The following ZZEF1 variants were observed in gnomAD, a reference collection of about 807,000 sequenced individuals.
ZZEF1 encodes zinc finger ZZ-type and EF-hand domain-containing protein 1.
ZZEF1 carries 157 observed loss-of-function variants against 342.8 expected under a neutral mutation model. That is an observed-to-expected ratio of 0.46 (90% CI 0.40 to 0.52). ZZEF1 has a LOEUF of 0.52. Ranked by LOEUF, ZZEF1 falls within the 20% of genes least tolerant of loss-of-function variation. ZZEF1 has a pLI of 0.00. For missense variants in ZZEF1, 3,480 were observed against 3,725.6 expected, an observed-to-expected ratio of 0.93 and a Z score of 1.72; for synonymous variants, 1,505 against 1,429.1, an observed-to-expected ratio of 1.05 and a Z score of -1.20.
intron 26 of ZZEF1, among the ~76,000 whole-genome samples, chr17:4,069,145 GC>G (rs1292625981): frequency 3.3e-5 from 5 of 152,192 alleles, no homozygotes; most frequent in Non-Finnish European, 7.3e-5. Flanking sequence ...TCTGAACACA[GC>G]CTGAAGTTTC....
Position 4,040,096 on chromosome 17 carries a change from T to C in ZZEF1, c.6306+2333A>G, listed in dbSNP as rs115179995. On this transcript the variant is annotated intron_variant, in intron 39 of 54. Transcript: ENST00000381638. ...AGTTGATATCATGTTAATACTGGAC[T>C]TCTCATCGGTTGTTCTAGATGGTGG... Among the ~76,000 whole-genome samples, 947 of 152,320 alleles carry C rather than the reference T, an allele frequency of 6.2e-3. 12 individuals are homozygous for C. The highest frequency in any genetic ancestry group is 0.022 in the African/African-American group (901 of 41,564).
intron 39 of ZZEF1, among the ~76,000 whole-genome samples, chr17:4,036,776 TACAC>T (rs761229612): frequency 4.9e-4 from 49 of 99,938 alleles, no homozygotes; most frequent in South Asian, 2.5e-3. Flanking sequence ...ATATATAGAA[TACAC>T]ACACACACAC....
Position 4,109,815 on chromosome 17 carries a change from C to G in ZZEF1, c.1115G>C (p.Arg372Thr). ...KRCLSDGCDTRIHGLRAVGFQ... is the reference protein window; with the variant it reads ...KRCLSDGCDTTIHGLRAVGFQ... ...GCCAACAGCCCTGAGACCATGAATTCTAGTGTCGCAGCCATCGCTAAGACA... is the reference window on the plus strand; with the variant it reads ...GCCAACAGCCCTGAGACCATGAATTGTAGTGTCGCAGCCATCGCTAAGACA... The change falls in exon 6 of 55, where the codon AGA becomes ACA. Residue 372 changes from arginine (R) to threonine (T), a missense_variant. Coordinates refer to ENST00000381638, the MANE Select transcript of ZZEF1 (RefSeq NM_015113.4). 1 of 1,614,196 alleles carries G rather than the reference C, an allele frequency of 6.2e-7. No homozygotes were observed. Among genetic ancestry groups the G allele is most frequent in the Non-Finnish European group, 8.5e-7 (1 of 1,180,036 alleles).
intron 30 of ZZEF1, 110 bp from the exon 31 acceptor site, chr17:4,059,400 G>A: frequency 1.5e-6 from 2 of 1,375,240 alleles, no homozygotes; most frequent in Non-Finnish European, 2.0e-6. Flanking sequence ...GCTGAGCAAA[G>A]CGGCACAGGA....
rs765322049 is a variant in ZZEF1 at position 4,017,514 on chromosome 17, G to A, written c.7858C>T (p.Arg2620Cys). ...GCGAGCAGGGATGCAAGCACGTGGCGGGCGTACAGGACAGCTGTGGCCTCG... is the reference window on the plus strand; with the variant it reads ...GCGAGCAGGGATGCAAGCACGTGGCAGGCGTACAGGACAGCTGTGGCCTCG... ...VNEATAVLYA[R>C]HVLASLLAEW... Residue 2620 changes from arginine to cysteine, a missense_variant, in exon 48 of 55, where the codon CGC (arginine) becomes TGC (cysteine). Coordinates refer to ENST00000381638, the MANE Select transcript of ZZEF1 (RefSeq NM_015113.4). This position sits in a 1 kb window ranked among gnomAD's most constrained non-coding sequence, Gnocchi z 5.1. 6 of 1,614,252 alleles carry A rather than the reference G, an allele frequency of 3.7e-6. No homozygotes were observed. The highest frequency in any genetic ancestry group is 3.3e-5 in the Admixed American group (2 of 60,024).
intron 36 of ZZEF1, 140 bp downstream of exon 36, chr17:4,050,641 G>T: frequency 8.3e-7 from 1 of 1,209,800 alleles, no homozygotes; most frequent in Non-Finnish European, 1.1e-6. Flanking sequence ...TAAAAATTAA[G>T]TTCCACACCA....
chr17:4,011,238 T>C (rs2055945250), intron 52 of ZZEF1, among the ~76,000 whole-genome samples: 1 of 151,722 alleles, frequency 6.6e-6, no homozygotes, highest in Non-Finnish European at 1.5e-5. Flanking sequence ...CCCATCTCCA[T>C]AAAAAAACAG....
At chr17:4,020,814 T>C (rs1330082075) in intron 45 of ZZEF1, among the ~76,000 whole-genome samples, 1 of 152,252 alleles carries the variant, frequency 6.6e-6, no homozygotes, top group Non-Finnish European at 1.5e-5. Flanking sequence ...ATAGAGTTCA[T>C]GGACGAGCCT....
At chr17:4,124,494 G>A (rs1192468917) in intron 1 of ZZEF1, among the ~76,000 whole-genome samples, 5 of 152,168 alleles carry the variant, frequency 3.3e-5, no homozygotes, top group Middle Eastern at 3.2e-3. Context: ...CCAGGCCGGA[G>A]TGCAGTGGTG....
rs776676433 is a variant in ZZEF1, at chr17:4,070,853, G to A, written c.3906C>T (p.Asn1302=). ...AAAGTTCTGAATATGGCCCACAGAA[G>A]TTCTGAGCAGGCTCTGACTGGGCAA... ...LDFAQSEPAQ[N]FCGPYSELFK... The change falls in exon 26 of 55, where the codon AAC becomes AAT. Residue 1302 remains asparagine (N), a synonymous_variant. Transcript: ENST00000381638. The A allele has an allele frequency of 1.2e-6, 2 of 1,614,176 alleles. No homozygotes were observed. The highest frequency in any genetic ancestry group is 1.7e-6 in the Non-Finnish European group (2 of 1,180,036).
chr17:4,096,524 C>G (rs1430379027), intron 10 of ZZEF1, 85 bp downstream of exon 10: 4 of 1,164,922 alleles, frequency 3.4e-6, no homozygotes, highest in African/African-American at 1.5e-5. Flanking sequence ...TCATGTACCC[C>G]ACAAATATAT....
rs185671975 is a variant in ZZEF1 at position 4,085,764 on chromosome 17, A to T, written c.2552T>A (p.Ile851Lys). 29 of 1,614,132 alleles carry T rather than the reference A, an allele frequency of 1.8e-5. No homozygotes were observed. The African/African-American group carries it at 3.6e-4, about 20-fold the overall frequency. ...KVDGDSVPMEILKQEVRNTLL... is the reference protein window; with the variant it reads ...KVDGDSVPMEKLKQEVRNTLL... ...GGTATTCCTGACTTCTTGTTTTAGTATCTCCATGGGCACAGAGTCTCCATC... is the reference window on the plus strand; with the variant it reads ...GGTATTCCTGACTTCTTGTTTTAGTTTCTCCATGGGCACAGAGTCTCCATC... Residue 851 changes from isoleucine to lysine, a missense_variant, in exon 16 of 55, where the codon ATA becomes AAA. Physicochemically the swap from Ile to Lys is moderately radical, Grantham distance 102 (BLOSUM62 -3). Coordinates refer to ENST00000381638, the MANE Select transcript of ZZEF1 (RefSeq NM_015113.4).
At chr17:4,120,419 G>A (rs2058464565) in intron 2 of ZZEF1, among the ~76,000 whole-genome samples, 1 of 152,026 alleles carries the variant, frequency 6.6e-6, no homozygotes, top group African/African-American at 2.4e-5. Context: ...ATGAGTCAGT[G>A]TTCTCCAGAG....
At chr17:4,127,471 G>T (rs1210738801) in intron 1 of ZZEF1, among the ~76,000 whole-genome samples, 1 of 152,034 alleles carries the variant, frequency 6.6e-6, no homozygotes, top group Non-Finnish European at 1.5e-5. Flanking sequence ...TATGGATAGG[G>T]GAAGGAAAAA....
intron 1 of ZZEF1, among the ~76,000 whole-genome samples, chr17:4,142,182 C>CA (rs1422451584): frequency 2.0e-5 from 3 of 152,152 alleles, no homozygotes; most frequent in Admixed American, 1.3e-4. Flanking sequence ...CAGGACAATA[C>CA]AAAAAATGGT....
chr17:4,074,013 C>A (rs754154302), intron 24 of ZZEF1, 137 bp downstream of exon 24: 46 of 1,001,678 alleles, frequency 4.6e-5, no homozygotes, highest in Admixed American at 7.4e-5. Flanking sequence ...ACACTTTATT[C>A]TTTCGGTTTA....
rs117887946 is a variant in ZZEF1, at chr17:4,037,781, C to T, written c.6307-3489G>A. 3.4e-4 allele frequency among the ~76,000 whole-genome samples: 52 copies of T among 152,208 alleles called. No homozygotes were observed. The East Asian group carries it at 9.1e-3, about 27-fold the overall frequency. On this transcript the variant is annotated intron_variant, in intron 39 of 54. Coordinates refer to ENST00000381638, the MANE Select transcript of ZZEF1 (RefSeq NM_015113.4). ...CTATTTTTTTGTAGATAGAGTCTTG[C>T]TATGTTTCCCAGGCTGGTCTCGAAC...
chr17:4,112,386 T>C (rs910764146), intron 5 of ZZEF1, among the ~76,000 whole-genome samples: 2 of 152,078 alleles, frequency 1.3e-5, no homozygotes, highest in African/African-American at 4.8e-5. Context: ...TCTCAAGTGA[T>C]TCACCTGCCT....
At position 4,059,240 on chromosome 17, in the gene ZZEF1, C is replaced by A. The variant is rs1218583111; in HGVS notation, c.4934G>T (p.Arg1645Leu). Reference sequence around the variant, plus strand: ...CAGAACAAGTTGATAGTAAGTGTCTCGAATTTCTTTGTGTAGATCAGCACC... The same window carrying A: ...CAGAACAAGTTGATAGTAAGTGTCTAGAATTTCTTTGTGTAGATCAGCACC... ...GCGADLHKEI[R>L]DTYYQLVLFL... The change falls in exon 31 of 55, where the codon CGA (arginine) becomes CTA (leucine). Residue 1645 changes from arginine (R) to leucine (L), a missense_variant. Around this residue, in one of 5 missense-constraint regions of ZZEF1, gnomAD observed 1,528 missense variants for 1,624.1 expected, o/e 0.94. Coordinates refer to ENST00000381638, the MANE Select transcript of ZZEF1 (RefSeq NM_015113.4). The A allele has an allele frequency of 1.2e-6, 2 of 1,607,840 alleles. No individual in the cohort carries two copies. Among genetic ancestry groups the A allele is most frequent in the Admixed American group, 3.5e-5 (2 of 57,900 alleles).
Sources: allele counts gnomAD v4.1 joint callset (sites outside exome capture counted in the v4.1 genomes callset), GRCh38; gene constraint gnomAD v4.1.1; regional missense constraint gnomAD v4.1.1; non-coding constraint Gnocchi (gnomAD v3.1); transcripts MANE v1.5; gene names NCBI Gene and HGNC (gene_info 2026-07-23, HGNC 2026-07-21).